SKI: variants seen among roughly 807,000 people sequenced by gnomAD.
SKI encodes the protein ski oncogene.
In SKI, 23 loss-of-function variants were observed where a neutral mutation model predicts 59.3. The ratio of observed to expected loss-of-function variants is 0.39; its 90% CI spans 0.28 to 0.55. The LOEUF is 0.55. Among genes scored for constraint, SKI ranks in the 20% least tolerant of loss-of-function variants. The probability of loss-of-function intolerance (pLI) is 0.67; values close to 1 mark genes in which losing one functional copy is unlikely to be tolerated. For synonymous variants in SKI, 673 were observed against 488.6 expected, an observed-to-expected ratio of 1.38 and a Z score of -4.98; for missense variants, 1,017 against 1,038.9, an observed-to-expected ratio of 0.98 and a Z score of 0.29.
At chr1:2,294,426 G>A (rs1640237932) in intron 1 of SKI, among the ~76,000 whole-genome samples, 2 of 152,246 alleles carry the variant, frequency 1.3e-5, no homozygotes, top group South Asian at 2.1e-4. Context: ...CCCGACTCCC[G>A]CTGGCCTCCC....
chr1:2,306,985 C>T lies in SKI; in HGVS notation c.*220C>T. 3.1e-6 allele frequency: 1 copy of T among 318,076 alleles called. No individual in the cohort carries two copies. 19.7% of individuals were successfully genotyped at this position (318,076 alleles called of 1,614,324 possible). A position where few individuals can be genotyped will look rare whatever the true frequency, so the allele number is the denominator to read the frequency against. ...AGTAAGCCGCGTCCCCCAACTACAG[C>T]TGGAGACGGGGCCAGCTCGGCGGCC... On this transcript the variant is annotated 3_prime_UTR_variant, in exon 7 of 7. Transcript: ENST00000378536.
chr1:2,264,280 AT>A (rs1375090809), intron 1 of SKI, among the ~76,000 whole-genome samples: 1 of 152,044 alleles, frequency 6.6e-6, no homozygotes, highest in African/African-American at 2.4e-5. Flanking sequence ...AATTTAATTT[AT>A]TTATTTGAGA....
At chr1:2,304,149 G>T (rs770137047) in intron 4 of SKI, 47 bp downstream of exon 4, 8 of 1,606,960 alleles carry the variant, frequency 5.0e-6, no homozygotes, top group Non-Finnish European at 6.8e-6. Flanking sequence ...GGCTGTGGGG[G>T]TGGCACTGGC....
chr1:2,306,443 G>C, intron 6 of SKI, 134 bp from the exon 7 acceptor site: 1 of 1,044,410 alleles, frequency 9.6e-7, no homozygotes, highest in South Asian at 1.6e-5. Flanking sequence ...CTGTGTCCTA[G>C]CAGGTGGAGG....
chr1:2,250,681 T>A (rs1385964125), intron 1 of SKI, among the ~76,000 whole-genome samples: 1 of 152,234 alleles, frequency 6.6e-6, no homozygotes, highest in Non-Finnish European at 1.5e-5. Context: ...GGATGTGGTG[T>A]GTGACCGTGA....
intron 1 of SKI, among the ~76,000 whole-genome samples, chr1:2,279,250 C>T (rs1639816569): frequency 6.6e-6 from 1 of 152,228 alleles, no homozygotes; most frequent in African/African-American, 2.4e-5. Context: ...GGAACAGCAG[C>T]CTGCTAGACG....
intron 1 of SKI, among the ~76,000 whole-genome samples, chr1:2,299,002 A>C (rs1389350145): frequency 2.0e-5 from 3 of 152,102 alleles, no homozygotes; most frequent in African/African-American, 4.8e-5. Flanking sequence ...GGGTGGGTGG[A>C]TGCCGGGTGG....
At chr1:2,265,372 A>G (rs764333615) in intron 1 of SKI, among the ~76,000 whole-genome samples, 2 of 152,080 alleles carry the variant, frequency 1.3e-5, no homozygotes, top group Non-Finnish European at 2.9e-5. Flanking sequence ...CTCTGTGTCC[A>G]TATCACAAAC....
At chr1:2,297,884 C>T (rs1286905937) in intron 1 of SKI, among the ~76,000 whole-genome samples, 7 of 152,214 alleles carry the variant, frequency 4.6e-5, no homozygotes, top group Non-Finnish European at 7.3e-5. Flanking sequence ...CCCCTTGCCC[C>T]GTGGCTGCAG....
At chr1:2,286,996 GC>G (rs2100885862) in intron 1 of SKI, among the ~76,000 whole-genome samples, 1 of 152,350 alleles carries the variant, frequency 6.6e-6, no homozygotes, top group Non-Finnish European at 1.5e-5. Flanking sequence ...ATGGCTGCGT[GC>G]CCACAAAGCC....
chr1:2,262,512 C>T (rs985816889), intron 1 of SKI, among the ~76,000 whole-genome samples: 5 of 151,074 alleles, frequency 3.3e-5, no homozygotes, highest in Admixed American at 6.6e-5. Flanking sequence ...TGGGAGTGGA[C>T]GCCCTCGCTC....
chr1:2,283,806 C>A (rs1639970570), intron 1 of SKI, among the ~76,000 whole-genome samples: 1 of 152,220 alleles, frequency 6.6e-6, no homozygotes, highest in African/African-American at 2.4e-5. Context: ...TGAGGCCTGG[C>A]ACCATGTTGT....
At chr1:2,280,089 C>T (rs1302908469) in intron 1 of SKI, among the ~76,000 whole-genome samples, 1 of 152,080 alleles carries the variant, frequency 6.6e-6, no homozygotes, top group Non-Finnish European at 1.5e-5. Flanking sequence ...TGACCACGGG[C>T]TGGGTGTGGT....
intron 1 of SKI, among the ~76,000 whole-genome samples, chr1:2,247,805 G>A (rs1352815707): frequency 1.3e-5 from 2 of 152,210 alleles, no homozygotes; most frequent in African/African-American, 4.8e-5. Context: ...GCCCCAGCCC[G>A]AGTCCAGTCT....
chr1:2,241,628 C>T (rs936884553), intron 1 of SKI, among the ~76,000 whole-genome samples: 1 of 152,130 alleles, frequency 6.6e-6, no homozygotes, highest in Non-Finnish European at 1.5e-5. Context: ...CTCCTGACCT[C>T]GCGATCCGCC....
At chr1:2,294,454 G>A (rs1640238669) in intron 1 of SKI, among the ~76,000 whole-genome samples, 1 of 152,212 alleles carries the variant, frequency 6.6e-6, no homozygotes, top group Non-Finnish European at 1.5e-5. Context: ...GGGATGTGGG[G>A]ACCAGGGCAG....
At position 2,230,005 on chromosome 1, in the gene SKI, G is replaced by A. The variant is rs373660533; in HGVS notation, c.969+270G>A. 1.1e-4 allele frequency among the ~76,000 whole-genome samples: 17 copies of A among 152,352 alleles called. No individual in the cohort carries two copies. In the East Asian group the frequency reaches 3.1e-3, roughly 28 times the overall value. On this transcript the variant is annotated intron_variant, in intron 1 of 6. Transcript: ENST00000378536. ...GGGGCCAGGCCTGGTGTGTGGGGAA[G>A]GCCCGCAGGCCCACAGGCATTGCCC...
intron 1 of SKI, among the ~76,000 whole-genome samples, chr1:2,255,426 C>T (rs967264252): frequency 1.3e-5 from 2 of 152,246 alleles, no homozygotes. Flanking sequence ...TGTGTCCTGA[C>T]TTCATTTCCT....
At chr1:2,248,192 G>A (rs573174202) in intron 1 of SKI, 2 of 152,422 alleles carry the variant, frequency 1.3e-5, no homozygotes, top group Admixed American at 6.5e-5. Context: ...CCAGGTTCTT[G>A]GGGGGAGCTC....
Sources: gnomAD v4.1 joint callset for allele counts (sites outside exome capture counted in the v4.1 genomes callset) on GRCh38, gnomAD v4.1.1 for gene constraint, MANE v1.5 for transcripts, NCBI Gene and HGNC (gene_info 2026-07-23, HGNC 2026-07-21) for gene names.